Variants in LYRM4 observed in about 807,000 individuals in gnomAD.
The protein encoded by LYRM4 is LYR motif containing 4, also known as LYR motif-containing protein 4.
LYRM4 carries 9 observed loss-of-function variants against 11.7 expected under a neutral mutation model. The ratio of observed to expected loss-of-function variants is 0.77; its 90% confidence interval spans 0.46 to 1.34. The LOEUF is 1.34. Among genes scored for constraint, LYRM4 ranks in the 40% most tolerant of loss-of-function variants. The pLI, the probability that LYRM4 is intolerant of heterozygous loss-of-function variation, is 0.00. For missense variants in LYRM4, 133 were observed against 112.5 expected, an observed-to-expected ratio of 1.18 and a Z score of -0.82; for synonymous variants, 42 against 40.4, an observed-to-expected ratio of 1.04 and a Z score of -0.15.
chr6:5,245,089 T>TTAAA (rs1347789118), intron 1 of LYRM4, among the ~76,000 whole-genome samples: 1 of 15,496 alleles, frequency 6.5e-5, no homozygotes, highest in African/African-American at 1.7e-4. Flanking sequence ...AGGAAGACCT[T>TTAAA]AAAAAAAAAA....
intron 1 of LYRM4, among the ~76,000 whole-genome samples, chr6:5,258,779 A>T (rs1231431004): frequency 6.6e-6 from 1 of 152,198 alleles, no homozygotes; most frequent in Admixed American, 6.5e-5. Flanking sequence ...GTATAATTTG[A>T]TCAATTATTT....
At chr6:5,256,491 G>GAAAAAAA (rs1161084364) in intron 1 of LYRM4, among the ~76,000 whole-genome samples, 2 of 43,860 alleles carry the variant, frequency 4.6e-5, no homozygotes, top group South Asian at 7.1e-4. Flanking sequence ...ATTTCAACTG[G>GAAAAAAA]AAAAAAAAAA....
At chr6:5,119,046 G>T (rs1411078865) in intron 2 of LYRM4, among the ~76,000 whole-genome samples, 2 of 152,194 alleles carry the variant, frequency 1.3e-5, no homozygotes, top group South Asian at 4.1e-4. Context: ...AAGGCCATGT[G>T]AAAGAAGCCA....
chr6:5,260,855 C>G lies in LYRM4; in HGVS notation c.-122G>C. The G allele has an allele frequency of 6.7e-7, 1 of 1,491,614 alleles. No individual in the cohort carries two copies. Among genetic ancestry groups the G allele is most frequent in the Non-Finnish European group, 8.9e-7 (1 of 1,126,552 alleles). 92.4% of individuals were successfully genotyped at this position (1,491,614 alleles called of 1,614,324 possible). On this transcript the variant is annotated 5_prime_UTR_variant, in exon 1 of 3. Coordinates refer to ENST00000330636, the MANE Select transcript of LYRM4 (RefSeq NM_020408.6). ...ATAAAATGCTGCGGCTCGGCTTTGC[C>G]AGCGGGCCGGGCCTAAGCCTAAGCG...
rs35803077 is a variant in LYRM4 at position 5,225,247 on chromosome 6, C to CAAA, written c.87-8512_87-8510dup. Among the ~76,000 whole-genome samples, 543 of 76,976 alleles carry CAAA rather than the reference C, an allele frequency of 7.1e-3. 5 individuals are homozygous for CAAA. The highest frequency in any genetic ancestry group is 0.044 in the South Asian group (92 of 2,110). 50.5% of individuals were successfully genotyped at this position (76,976 alleles called of 152,430 possible). A position where few individuals can be genotyped will look rare whatever the true frequency, so the allele number is the denominator to read the frequency against. ...TGGGTGACAGAGCAAGACTCCGAATCAAAAAAAAAAAAAAAAAAAAGATGT... is the reference window on the plus strand; with the variant it reads ...TGGGTGACAGAGCAAGACTCCGAATCAAAAAAAAAAAAAAAAAAAAAAAGATGT... On this transcript the variant is annotated intron_variant, in intron 1 of 2. Coordinates refer to ENST00000330636, the MANE Select transcript of LYRM4 (RefSeq NM_020408.6).
the LYRM4 span, among the ~76,000 whole-genome samples, chr6:5,091,298 G>A: frequency 6.6e-6 from 1 of 152,184 alleles, no homozygotes; most frequent in African/African-American, 2.4e-5. Flanking sequence ...TTGAGTGTAA[G>A]TGGGCAGGTG....
At chr6:5,036,487 A>T in the LYRM4 span, among the ~76,000 whole-genome samples, 1 of 152,258 alleles carries the variant, frequency 6.6e-6, no homozygotes, top group African/African-American at 2.4e-5. Flanking sequence ...CTGCTCCAGG[A>T]GCTGGGGCTG....
Position 5,218,327 on chromosome 6 carries a change from T to C in LYRM4, c.87-1589A>G, listed in dbSNP as rs114231354. The C allele has an allele frequency of 5.2e-3, 5,123 of 984,922 alleles. 14 individuals carry two copies. Among genetic ancestry groups the C allele is most frequent in the Non-Finnish European group, 5.6e-3 (4,625 of 829,582 alleles). 61.0% of individuals were successfully genotyped at this position (984,922 alleles called of 1,614,324 possible). A position where few individuals can be genotyped will look rare whatever the true frequency, so the allele number is the denominator to read the frequency against. The stretch of plus-strand genomic sequence containing the variant: ...AAGAATGGAAATACAGGCAAAGAAA[T>C]GAGAGGAGGGGATATAAATTTCCTT... On this transcript the variant is annotated intron_variant, in intron 1 of 2. Coordinates refer to ENST00000330636, the MANE Select transcript of LYRM4 (RefSeq NM_020408.6).
At chr6:5,131,994 T>C (rs74527424) in intron 2 of LYRM4, among the ~76,000 whole-genome samples, 3,754 of 152,278 alleles carry the variant, frequency 0.025, 166 homozygotes, top group African/African-American at 0.085. Flanking sequence ...GATCAAGACA[T>C]ATCAGCAGAT....
At chr6:5,056,489 G>T in the LYRM4 span, among the ~76,000 whole-genome samples, 2 of 152,066 alleles carry the variant, frequency 1.3e-5, no homozygotes, top group Non-Finnish European at 2.9e-5. Context: ...CACTTTAAGC[G>T]GATCTTTTAC....
At chr6:5,090,658 C>T in the LYRM4 span, among the ~76,000 whole-genome samples, 7 of 152,308 alleles carry the variant, frequency 4.6e-5, no homozygotes, top group South Asian at 1.4e-3. The surrounding 1 kb of genome is among the most constrained non-coding windows in gnomAD (Gnocchi z 4.8). Flanking sequence ...CATGCAGTGT[C>T]CTTTCTTCTG....
At chr6:5,213,845 C>A (rs1246198346) in intron 2 of LYRM4, among the ~76,000 whole-genome samples, 1 of 152,220 alleles carries the variant, frequency 6.6e-6, no homozygotes, top group Non-Finnish European at 1.5e-5. Context: ...TAACAGCAAG[C>A]ATTTGCATAA....
intron 2 of LYRM4, among the ~76,000 whole-genome samples, chr6:5,151,851 T>A (rs1758107820): frequency 6.6e-6 from 1 of 152,184 alleles, no homozygotes; most frequent in African/African-American, 2.4e-5. Flanking sequence ...GAGGGAGGCT[T>A]AACAAATAGA....
intron 2 of LYRM4, among the ~76,000 whole-genome samples, chr6:5,187,738 G>T (rs1285754564): frequency 6.6e-6 from 1 of 151,768 alleles, no homozygotes; most frequent in African/African-American, 2.4e-5. Flanking sequence ...ATGTACCCTA[G>T]AACTTAAAGT....
chr6:5,066,765 C>A, the LYRM4 span: 1 of 740,568 alleles, frequency 1.4e-6, no homozygotes, highest in South Asian at 1.6e-5. Context: ...GGTTACGTAA[C>A]GCTTAAAGTC....
the LYRM4 span, among the ~76,000 whole-genome samples, chr6:5,097,727 A>G: frequency 6.6e-6 from 1 of 152,234 alleles, no homozygotes; most frequent in African/African-American, 2.4e-5. Context: ...TTAAAGGCCC[A>G]TTCTCTCAAT....
chr6:5,036,079 TTTAAAA>T, the LYRM4 span, among the ~76,000 whole-genome samples: 1 of 147,730 alleles, frequency 6.8e-6, no homozygotes, highest in East Asian at 2.0e-4. Context: ...TAATAAATAG[TTTAAAA>T]TTAACATGTT....
At chr6:5,038,491 G>A in the LYRM4 span, among the ~76,000 whole-genome samples, 2 of 66,792 alleles carry the variant, frequency 3.0e-5, 1 homozygote, top group Non-Finnish European at 7.4e-5. Flanking sequence ...GGTGGCGGCT[G>A]GGCAGAGGCT....
At chr6:5,111,983 AT>A (rs1762901498) in intron 2 of LYRM4, among the ~76,000 whole-genome samples, 1 of 152,204 alleles carries the variant, frequency 6.6e-6, no homozygotes, top group Non-Finnish European at 1.5e-5. Context: ...CAGCACCTAC[AT>A]GGCATGGGAG....
Sources: allele counts gnomAD v4.1 joint callset (sites outside exome capture counted in the v4.1 genomes callset), GRCh38; gene constraint gnomAD v4.1.1; non-coding constraint Gnocchi (gnomAD v3.1); transcripts MANE v1.5; gene names NCBI Gene and HGNC (gene_info 2026-07-23, HGNC 2026-07-21).